The following ZNF407 variants were observed in gnomAD, a reference collection of about 807,000 sequenced individuals.
The protein encoded by ZNF407 is zinc finger protein 407.
ZNF407 carries 17 observed loss-of-function variants against 131.2 expected under a neutral mutation model. That is an observed-to-expected ratio of 0.13 (90% CI 0.09 to 0.19). ZNF407 has a LOEUF of 0.19. ZNF407 is among the 10% of genes least tolerant of loss of function. ZNF407 has a pLI of 1.00. For missense variants in ZNF407, 2,681 were observed against 2,830.6 expected (o/e 0.95, Z 1.20); for synonymous variants, 1,156 against 1,062.0 (o/e 1.09, Z -1.72).
At chr18:74,889,823 G>T in intron 6 of ZNF407, 95 bp from the exon 7 acceptor site, 2 of 1,137,566 alleles carry the variant, frequency 1.8e-6, no homozygotes, top group Non-Finnish European at 2.5e-6. Flanking sequence ...ACATTTCATG[G>T]AAATAAATGT....
At chr18:74,783,133 T>G (rs1220061095) in intron 4 of ZNF407, among the ~76,000 whole-genome samples, 1 of 152,204 alleles carries the variant, frequency 6.6e-6, no homozygotes, top group Non-Finnish European at 1.5e-5. Context: ...ATGCATTATC[T>G]CAGTCCTTCT....
chr18:74,992,168 G>T (rs1260548173), intron 8 of ZNF407, among the ~76,000 whole-genome samples: 1 of 152,198 alleles, frequency 6.6e-6, no homozygotes, highest in Non-Finnish European at 1.5e-5. Context: ...AGCAAAACGA[G>T]GAGTCTTGGC....
intron 3 of ZNF407, among the ~76,000 whole-genome samples, chr18:74,681,132 G>A (rs145474664): frequency 1.2e-3 from 189 of 152,214 alleles, no homozygotes; most frequent in African/African-American, 4.4e-3. Context: ...ATTTCATTTC[G>A]CTTTGGGTGA....
intron 8 of ZNF407, among the ~76,000 whole-genome samples, chr18:75,050,736 T>C (rs1190796920): frequency 6.6e-6 from 1 of 152,232 alleles, no homozygotes; most frequent in East Asian, 1.9e-4. Context: ...ACCCTCTTTC[T>C]CTTCCAAGGC....
intron 3 of ZNF407, among the ~76,000 whole-genome samples, chr18:74,706,249 C>T (rs1967621314): frequency 6.6e-6 from 1 of 152,142 alleles, no homozygotes; most frequent in Non-Finnish European, 1.5e-5. Flanking sequence ...ACTGTCTTTT[C>T]TGCTATTTAC....
chr18:74,720,304 C>A (rs1172932645), intron 3 of ZNF407, among the ~76,000 whole-genome samples: 1 of 151,188 alleles, frequency 6.6e-6, no homozygotes, highest in East Asian at 1.9e-4. Flanking sequence ...GGTGGCCATT[C>A]ATTAAAATGT....
chr18:74,611,543 T>G (rs1047241940), intron 1 of ZNF407, among the ~76,000 whole-genome samples: 1 of 152,184 alleles, frequency 6.6e-6, no homozygotes, highest in African/African-American at 2.4e-5. Flanking sequence ...AGGACCAAAA[T>G]GATGTATAGT....
chr18:74,725,046 TTA>T, intron 3 of ZNF407, among the ~76,000 whole-genome samples: 1 of 152,392 alleles, frequency 6.6e-6, no homozygotes, highest in African/African-American at 2.4e-5. Context: ...GATTAACTGT[TTA>T]TGTCACGCAT....
At chr18:75,003,552 A>G (rs1972872401) in intron 8 of ZNF407, among the ~76,000 whole-genome samples, 1 of 152,156 alleles carries the variant, frequency 6.6e-6, no homozygotes, top group South Asian at 2.1e-4. Context: ...ATGTTTCTGC[A>G]TTTAAAAAAG....
intron 4 of ZNF407, among the ~76,000 whole-genome samples, chr18:74,787,729 A>G (rs1969746513): frequency 6.6e-6 from 1 of 152,190 alleles, no homozygotes; most frequent in Admixed American, 6.5e-5. Context: ...TTTAGCTTTC[A>G]GTTATTTCCA....
chr18:74,832,417 G>A (rs969628044), intron 4 of ZNF407, among the ~76,000 whole-genome samples: 2 of 151,962 alleles, frequency 1.3e-5, no homozygotes, highest in African/African-American at 2.4e-5. Context: ...TGCTGCCTGA[G>A]TGTATGAAAT....
At chr18:74,644,822 C>T (rs1307742747) in intron 3 of ZNF407, among the ~76,000 whole-genome samples, 1 of 151,826 alleles carries the variant, frequency 6.6e-6, no homozygotes, top group East Asian at 1.9e-4. Context: ...TTCTATATTT[C>T]TCCACTTTTT....
intron 8 of ZNF407, among the ~76,000 whole-genome samples, chr18:75,016,939 C>G (rs1973051456): frequency 6.6e-6 from 1 of 152,056 alleles, no homozygotes; most frequent in Non-Finnish European, 1.5e-5. Flanking sequence ...CTTAGCTTAC[C>G]CATTAGCTCA....
chr18:74,804,706 T>A, intron 4 of ZNF407: 1 of 686,734 alleles, frequency 1.5e-6, no homozygotes, highest in Non-Finnish European at 1.8e-6. Flanking sequence ...TACCACAACC[T>A]ACCATGATTA....
chr18:74,737,974 T>C (rs1968456271), intron 3 of ZNF407, among the ~76,000 whole-genome samples: 1 of 152,176 alleles, frequency 6.6e-6, no homozygotes, highest in South Asian at 2.1e-4. Flanking sequence ...AATCTCTTAA[T>C]GTGGTTTATT....
chr18:75,035,240 G>A (rs1448129007), intron 8 of ZNF407, among the ~76,000 whole-genome samples: 1 of 152,156 alleles, frequency 6.6e-6, no homozygotes, highest in Admixed American at 6.5e-5. Flanking sequence ...TCAAAAGTTT[G>A]TCTCTGTTAC....
At chr18:74,658,732 T>G (rs1985586117) in intron 3 of ZNF407, among the ~76,000 whole-genome samples, 1 of 152,194 alleles carries the variant, frequency 6.6e-6, no homozygotes, top group Non-Finnish European at 1.5e-5. Flanking sequence ...TCTTCCTAAT[T>G]AAAATATATT....
At chr18:74,983,599 C>T (rs188025272) in intron 8 of ZNF407, among the ~76,000 whole-genome samples, 135 of 152,210 alleles carry the variant, frequency 8.9e-4, no homozygotes, top group Non-Finnish European at 1.3e-3. Flanking sequence ...GACTTCTATA[C>T]AGAGGAAATA....
chr18:75,018,526 G>A (rs914711880), intron 8 of ZNF407, among the ~76,000 whole-genome samples: 18 of 151,752 alleles, frequency 1.2e-4, no homozygotes, highest in African/African-American at 4.1e-4. Flanking sequence ...AATCCACAAT[G>A]TCATAACAAA....
Sources: gnomAD v4.1 joint callset for allele counts (sites outside exome capture counted in the v4.1 genomes callset) on GRCh38, gnomAD v4.1.1 for gene constraint, MANE v1.5 for transcripts, NCBI Gene and HGNC (gene_info 2026-07-23, HGNC 2026-07-21) for gene names.